The following CHRM1 variants were observed in gnomAD, a reference collection of about 807,000 sequenced individuals.
CHRM1 encodes the protein muscarinic acetylcholine receptor M1.
A neutral mutation model predicts 31.6 loss-of-function variants in CHRM1; 5 were observed. The ratio of observed to expected loss-of-function variants is 0.16; its 90% CI spans 0.08 to 0.33. The LOEUF is 0.33. CHRM1 is among the 10% of genes least tolerant of loss of function. CHRM1 has a pLI of 1.00. For missense variants in CHRM1, 338 were observed against 610.3 expected (o/e 0.55, Z 4.70); for synonymous variants, 227 against 249.7 (o/e 0.91, Z 0.86).
At chr11:62,920,928 T>G (rs2085930139) in intron 1 of CHRM1, among the ~76,000 whole-genome samples, 1 of 152,106 alleles carries the variant, frequency 6.6e-6, no homozygotes, top group African/African-American at 2.4e-5. Flanking sequence ...TAATCCCTTC[T>G]GGGCCTCAGG....
At chr11:62,919,668 A>C (rs2085920827) in intron 1 of CHRM1, among the ~76,000 whole-genome samples, 1 of 151,818 alleles carries the variant, frequency 6.6e-6, no homozygotes, top group African/African-American at 2.4e-5. Context: ...AACCCAGCGC[A>C]ATTCACCCAC....
At chr11:62,914,827 C>T (rs533773860) in intron 1 of CHRM1, among the ~76,000 whole-genome samples, 1 of 152,284 alleles carries the variant, frequency 6.6e-6, no homozygotes, top group South Asian at 2.1e-4. Flanking sequence ...GAGGCTGCAC[C>T]CTGCCCTGCT....
At chr11:62,920,917 C>T (rs1191915405) in intron 1 of CHRM1, among the ~76,000 whole-genome samples, 5 of 152,066 alleles carry the variant, frequency 3.3e-5, no homozygotes, top group Non-Finnish European at 7.4e-5. Flanking sequence ...ACCAGGCAGC[C>T]TAATCCCTTC....
chr11:62,912,192 C>G (rs1260558859), intron 1 of CHRM1, among the ~76,000 whole-genome samples: 1 of 151,714 alleles, frequency 6.6e-6, no homozygotes, highest in Non-Finnish European at 1.5e-5. Flanking sequence ...CATGGTGAAA[C>G]CCCATCTCTA....
At chr11:62,920,449 C>A (rs2085926586) in intron 1 of CHRM1, among the ~76,000 whole-genome samples, 1 of 152,114 alleles carries the variant, frequency 6.6e-6, no homozygotes, top group Non-Finnish European at 1.5e-5. Context: ...GGGGTGAGTA[C>A]CTGGCGTGGG....
chr11:62,919,013 A>G (rs975121247), intron 1 of CHRM1, among the ~76,000 whole-genome samples: 16 of 151,856 alleles, frequency 1.1e-4, no homozygotes, highest in African/African-American at 3.9e-4. Flanking sequence ...AGGGGATAAC[A>G]TTGGGGAGTG....
intron 1 of CHRM1, among the ~76,000 whole-genome samples, chr11:62,917,455 G>A (rs925614371): frequency 6.6e-6 from 1 of 152,202 alleles, no homozygotes; most frequent in African/African-American, 2.4e-5. Flanking sequence ...CCCCGAGGCA[G>A]TCCTTGGCAC....
At chr11:62,921,584 TA>T, upstream of CHRM1, 1 of 152,908 alleles carries the variant, frequency 6.5e-6, no homozygotes, top group Non-Finnish European at 1.5e-5. Context: ...CCAGGAAGGC[TA>T]AAAGTCCCGG....
chr11:62,919,163 C>T (rs903231137), intron 1 of CHRM1, among the ~76,000 whole-genome samples: 1 of 152,108 alleles, frequency 6.6e-6, no homozygotes, highest in African/African-American at 2.4e-5. Context: ...TACGAGGCAG[C>T]TCTCCCCTCG....
intron 1 of CHRM1, among the ~76,000 whole-genome samples, chr11:62,913,592 A>C (rs1437673916): frequency 6.6e-6 from 1 of 151,100 alleles, no homozygotes; most frequent in African/African-American, 2.4e-5. Context: ...AATTGCTTGA[A>C]CCCAGGAAGC....
chr11:62,919,176 G>T (rs1410257122), intron 1 of CHRM1, among the ~76,000 whole-genome samples: 1 of 152,112 alleles, frequency 6.6e-6, no homozygotes, highest in Non-Finnish European at 1.5e-5. Context: ...TCCCCTCGGG[G>T]TTAACTTTTC....
chr11:62,910,116 G>T lies in CHRM1; in HGVS notation c.985C>A (p.Pro329Thr), dbSNP rs777030658. The T allele has an allele frequency of 1.1e-5, 18 of 1,610,876 alleles. No homozygotes were observed. The South Asian group carries it at 1.7e-4, about 15-fold the overall frequency. ...GCTCGATCACGCCCTTTCTTAGTCGGCCTCTTGACTGTATTTGGGGAGCTC... is the reference window on the plus strand; with the variant it reads ...GCTCGATCACGCCCTTTCTTAGTCGTCCTCTTGACTGTATTTGGGGAGCTC... ...PRSSPNTVKR[P>T]TKKGRDRAGK... The change falls in exon 2 of 2, where the codon CCG (proline) becomes ACG (threonine). Residue 329 changes from proline (P) to threonine (T), a missense_variant. Transcript: ENST00000306960. This position sits in a 1 kb window ranked among gnomAD's most constrained non-coding sequence, Gnocchi z 8.7.
Position 62,911,812 on chromosome 11 carries a change from C to T in CHRM1, c.-78-634G>A, listed in dbSNP as rs368761453. Among the ~76,000 whole-genome samples the T allele has an allele frequency of 2.0e-5, 3 of 152,198 alleles. No individual in the cohort carries two copies. In the East Asian group the frequency reaches 5.8e-4, roughly 29 times the overall value. On this transcript the variant is annotated intron_variant, in intron 1 of 1. Coordinates refer to ENST00000306960, the MANE Select transcript of CHRM1 (RefSeq NM_000738.3). ...AAGAAAAGAAGCCATTCTCACTCTC[C>T]CCGGGTATGTGGTGCTCCAGTGGGA...
chr11:62,916,001 G>C (rs564866072), intron 1 of CHRM1, among the ~76,000 whole-genome samples: 1 of 152,170 alleles, frequency 6.6e-6, no homozygotes, highest in South Asian at 2.1e-4. Flanking sequence ...GGAGAGACAG[G>C]GTTTCACCAT....
intron 1 of CHRM1, among the ~76,000 whole-genome samples, chr11:62,916,173 C>T (rs956076473): frequency 6.6e-6 from 1 of 152,180 alleles, no homozygotes; most frequent in Non-Finnish European, 1.5e-5. Flanking sequence ...ATGCCGCTTC[C>T]CCTCCAGACC....
At position 62,914,901 on chromosome 11, in the gene CHRM1, G is replaced by T. The variant is rs547069601; in HGVS notation, c.-78-3723C>A. On this transcript the variant is annotated intron_variant, in intron 1 of 1. Transcript: ENST00000306960. ...TAAAGCTTGACTCCTTAGGCCTGGC[G>T]TGGTGGCTCACGCCTGTAATCCTAG... 2.0e-5 allele frequency among the ~76,000 whole-genome samples: 3 copies of T among 152,322 alleles called. No homozygotes were observed. In the East Asian group the frequency reaches 5.8e-4, roughly 29 times the overall value.
intron 1 of CHRM1, among the ~76,000 whole-genome samples, chr11:62,913,863 G>A (rs987407750): frequency 9.4e-5 from 14 of 148,344 alleles, no homozygotes; most frequent in Non-Finnish European, 1.9e-4. Flanking sequence ...TTTTTTTTTT[G>A]AGATGGAGTC....
intron 1 of CHRM1, chr11:62,916,966 G>A (rs532008081): frequency 4.3e-4 from 66 of 152,318 alleles, no homozygotes; most frequent in African/African-American, 1.4e-3. Context: ...CCCCTATGAC[G>A]CAGTACAAGA....
Position 62,911,119 on chromosome 11 carries a change from G to T in CHRM1, c.-19C>A, listed in dbSNP as rs2085868812. 1 of 1,607,668 alleles carries T rather than the reference G, an allele frequency of 6.2e-7. No homozygotes were observed. Among genetic ancestry groups the T allele is most frequent in the South Asian group, 1.1e-5 (1 of 90,296 alleles). On this transcript the variant is annotated 5_prime_UTR_variant, in exon 2 of 2. Coordinates refer to ENST00000306960, the MANE Select transcript of CHRM1 (RefSeq NM_000738.3). ...TGTTCATGGTGGCTAGGTGGGGCTG[G>T]GGTTGGAGAGCCCCTTCCTCCAGGC... is the stretch of plus-strand genomic sequence containing the variant.
Sources: allele counts gnomAD v4.1 joint callset (sites outside exome capture counted in the v4.1 genomes callset), GRCh38; gene constraint gnomAD v4.1.1; non-coding constraint Gnocchi (gnomAD v3.1); transcripts MANE v1.5; gene names NCBI Gene and HGNC (gene_info 2026-07-23, HGNC 2026-07-21).